SETD7: variants seen among roughly 807,000 people sequenced by gnomAD.
SETD7 encodes histone-lysine N-methyltransferase SETD7.
In SETD7, 16 loss-of-function variants were observed where a neutral mutation model predicts 41.8. The ratio of observed to expected loss-of-function variants is 0.38; its 90% confidence interval spans 0.26 to 0.58. The LOEUF is 0.58. Ranked by LOEUF, SETD7 falls within the 20% of genes least tolerant of loss-of-function variation. SETD7 has a pLI of 0.64. For synonymous variants in SETD7, 163 were observed against 169.7 expected (o/e 0.96, Z 0.31); for missense variants, 346 against 459.7 (o/e 0.75, Z 2.26).
chr4:139,497,003 G>T (rs767157340), intron 7 of SETD7, among the ~76,000 whole-genome samples: 7 of 152,144 alleles, frequency 4.6e-5, no homozygotes, highest in African/African-American at 1.4e-4. Context: ...CTTATAACTC[G>T]TGTTTTACAG....
At chr4:139,551,139 A>G (rs907712261) in intron 1 of SETD7, among the ~76,000 whole-genome samples, 10 of 152,232 alleles carry the variant, frequency 6.6e-5, no homozygotes, top group Non-Finnish European at 1.3e-4. Context: ...CCCGGTTGCA[A>G]AGTCCTATCT....
At chr4:139,549,026 T>TA (rs1303148962) in intron 1 of SETD7, among the ~76,000 whole-genome samples, 2 of 152,136 alleles carry the variant, frequency 1.3e-5, no homozygotes, top group Non-Finnish European at 2.9e-5. Flanking sequence ...TTCTTTTCAT[T>TA]AAAAAAAGCC....
chr4:139,529,701 G>A (rs753533365), intron 3 of SETD7, among the ~76,000 whole-genome samples: 66 of 152,272 alleles, frequency 4.3e-4, no homozygotes, highest in Admixed American at 1.3e-3. Context: ...GATTTCTAGT[G>A]TGTTAGGAAA....
rs986896072 is a variant in SETD7 at position 139,506,871 on chromosome 4, G to A, written c.*4792C>T. On this transcript the variant is annotated 3_prime_UTR_variant, in exon 8 of 8. Coordinates refer to ENST00000274031, the MANE Select transcript of SETD7 (RefSeq NM_030648.4). ...TAAAGTCACAGACAGAGGAAGCAAG[G>A]ATTTTTGTTATCGGAGGACGTCTCT... The A allele has an allele frequency of 6.5e-6, 1 of 152,702 alleles. No homozygotes were observed. The highest frequency in any genetic ancestry group is 6.5e-5 in the Admixed American group (1 of 15,278). The allele number at this position is 152,702 out of a possible 1,614,324, so 9.5% of individuals were successfully genotyped here. A position where few individuals can be genotyped will look rare whatever the true frequency, so the allele number is the denominator to read the frequency against.
At chr4:139,497,850 C>T (rs143939954) in intron 7 of SETD7, among the ~76,000 whole-genome samples, 2,115 of 152,230 alleles carry the variant, frequency 0.014, 20 homozygotes, top group East Asian at 0.043. Flanking sequence ...GCCTCGGCCT[C>T]CCAAAGTGCT....
chr4:139,518,600 T>C (rs1727096156), intron 6 of SETD7, among the ~76,000 whole-genome samples: 1 of 151,952 alleles, frequency 6.6e-6, no homozygotes, highest in African/African-American at 2.4e-5. Flanking sequence ...AAGTCCCTGA[T>C]GAAAACACAC....
chr4:139,500,878 TTTGA>T (rs1726557879), intron 7 of SETD7, among the ~76,000 whole-genome samples: 1 of 152,110 alleles, frequency 6.6e-6, no homozygotes, highest in South Asian at 2.1e-4. Flanking sequence ...CCCTGTAGAA[TTTGA>T]TTCTCTTCTC....
exon 8 of SETD7, chr4:139,496,251 A>C: frequency 1.8e-6 from 1 of 566,648 alleles, no homozygotes; most frequent in Middle Eastern, 3.9e-4. Flanking sequence ...CAGATCTTAA[A>C]ATGGCTCCCA....
At position 139,541,237 on chromosome 4, in the gene SETD7, T is replaced by C. The variant is rs562889914; in HGVS notation, c.170+5683A>G. On this transcript the variant is annotated intron_variant, in intron 2 of 7. Transcript: ENST00000274031. ...TATTCCATAGCCCCCGCAAAGCCAATCTGAAGAAATATCTCCTTCTTGTTC... is the reference window on the plus strand; with the variant it reads ...TATTCCATAGCCCCCGCAAAGCCAACCTGAAGAAATATCTCCTTCTTGTTC... 1.8e-4 allele frequency among the ~76,000 whole-genome samples: 28 copies of C among 152,286 alleles called. 1 individual carries two copies. Among genetic ancestry groups the C allele is most frequent in the Admixed American group, 1.6e-3 (25 of 15,296 alleles).
chr4:139,548,567 G>A (rs558350278), intron 1 of SETD7, among the ~76,000 whole-genome samples: 22 of 152,304 alleles, frequency 1.4e-4, no homozygotes, highest in South Asian at 4.1e-4. Flanking sequence ...AGGAAGCAGA[G>A]GTTGCAGTGA....
downstream of SETD7, among the ~76,000 whole-genome samples, chr4:139,501,953 G>A (rs2111109865): frequency 6.6e-6 from 1 of 152,346 alleles, no homozygotes; most frequent in East Asian, 1.9e-4. Flanking sequence ...CCCAGAGCAG[G>A]CGGAGCAAAG....
At chr4:139,524,134 A>C (rs912732324) in intron 4 of SETD7, among the ~76,000 whole-genome samples, 1 of 152,206 alleles carries the variant, frequency 6.6e-6, no homozygotes, top group African/African-American at 2.4e-5. Context: ...CCTGCAAAAC[A>C]AATGATTATA....
At chr4:139,526,246 A>T (rs2111142602) in intron 4 of SETD7, among the ~76,000 whole-genome samples, 1 of 151,356 alleles carries the variant, frequency 6.6e-6, no homozygotes, top group South Asian at 2.1e-4. Flanking sequence ...AAAAATAATA[A>T]TTCCCTTTAG....
intron 2 of SETD7, 96 bp downstream of exon 2, chr4:139,546,824 T>C (rs1727961225): frequency 2.0e-6 from 3 of 1,537,902 alleles, no homozygotes; most frequent in Non-Finnish European, 2.7e-6. Context: ...GAATAAATTG[T>C]AGAAAAACTT....
chr4:139,505,580 C>G (rs751614159), downstream of SETD7, among the ~76,000 whole-genome samples: 49 of 151,872 alleles, frequency 3.2e-4, no homozygotes, highest in African/African-American at 1.2e-3. Context: ...CAGAGTGAGA[C>G]TTCATCTCAG....
chr4:139,502,602 G>A (rs1313286494), downstream of SETD7, among the ~76,000 whole-genome samples: 1 of 152,186 alleles, frequency 6.6e-6, no homozygotes, highest in Admixed American at 6.5e-5. Flanking sequence ...ATTTGCCAGA[G>A]AGTAGTCGAA....
At chr4:139,551,356 T>A (rs1180601778) in intron 1 of SETD7, among the ~76,000 whole-genome samples, 1 of 152,232 alleles carries the variant, frequency 6.6e-6, no homozygotes, top group Non-Finnish European at 1.5e-5. Context: ...GTTCTGTGTA[T>A]CTGTCTGTAG....
intron 4 of SETD7, among the ~76,000 whole-genome samples, chr4:139,524,146 A>G (rs914590454): frequency 1.3e-5 from 2 of 152,214 alleles, no homozygotes; most frequent in African/African-American, 4.8e-5. Context: ...ATGATTATAT[A>G]CACTGAGGGA....
Position 139,509,996 on chromosome 4 carries a change from T to C in SETD7, c.*1667A>G. ...AAGAAGGGAAGGGCAACTCTGTCAA[T>C]GTGCCCAAGGGCCACCTGAAATGAA... On this transcript the variant is annotated 3_prime_UTR_variant, in exon 8 of 8. Coordinates refer to ENST00000274031, the MANE Select transcript of SETD7 (RefSeq NM_030648.4). 1.9e-6 allele frequency: 1 copy of C among 539,932 alleles called. No individual in the cohort carries two copies. The allele number at this position is 539,932 out of a possible 1,614,324, so 33.4% of individuals were successfully genotyped here. A position where few individuals can be genotyped will look rare whatever the true frequency, so the allele number is the denominator to read the frequency against.
Sources: gnomAD v4.1 joint callset for allele counts (sites outside exome capture counted in the v4.1 genomes callset) on GRCh38, gnomAD v4.1.1 for gene constraint, MANE v1.5 for transcripts, NCBI Gene and HGNC (gene_info 2026-07-23, HGNC 2026-07-21) for gene names.